The following NLRP2 variants were observed in gnomAD, a reference collection of about 807,000 sequenced individuals.
NLRP2 encodes the protein NLR family pyrin domain containing 2.
A neutral mutation model predicts 97.2 loss-of-function variants in NLRP2; 107 were observed. The observed-to-expected ratio is 1.10, with a 90% confidence interval of 0.94 to 1.29. The LOEUF (loss-of-function observed/expected upper bound fraction) is 1.29. NLRP2 is among the 50% of genes most tolerant of loss of function. The pLI, the probability that NLRP2 is intolerant of heterozygous loss-of-function variation, is 0.00. For missense variants in NLRP2, 1,495 were observed against 1,330.3 expected, an observed-to-expected ratio of 1.12 and a Z score of -1.93; for synonymous variants, 663 against 551.5, an observed-to-expected ratio of 1.20 and a Z score of -2.83.
intron 3 of NLRP2, chr19:54,976,810 C>CTTTTTTTTTTTTTTTTGTT: frequency 3.2e-6 from 1 of 312,924 alleles, no homozygotes; most frequent in East Asian, 1.2e-4. Context: ...CTTGTTCTCT[C>CTTTTTTTTTTTTTTTTGTT]TCTTTTTTTT....
rs1336046744 is a variant in NLRP2 at position 54,997,205 on chromosome 19, T to A, written c.2880-112T>A. ...CAGGCGTGAACCACCGTGCCCGGCC[T>A]GAGACTTCTGTTGGTCATGCAGATC... is the stretch of plus-strand genomic sequence containing the variant. On this transcript the variant is annotated intron_variant, in intron 11 of 12. Coordinates refer to ENST00000448584, the MANE Select transcript of NLRP2 (RefSeq NM_017852.5). 2.5e-5 allele frequency: 28 copies of A among 1,126,274 alleles called. 1 individual carries two copies. Among genetic ancestry groups the A allele is most frequent in the Middle Eastern group, 5.6e-4 (2 of 3,540 alleles). 69.8% of individuals were successfully genotyped at this position (1,126,274 alleles called of 1,614,324 possible).
In NLRP2 at chr19:54,997,339, C is replaced by T. The variant is rs763409377; in HGVS notation, c.2902C>T (p.Pro968Ser). 1 of 1,613,942 alleles carries T rather than the reference C, an allele frequency of 6.2e-7. No homozygotes were observed. Among genetic ancestry groups the T allele is most frequent in the African/African-American group, 1.3e-5 (1 of 75,044 alleles). ...CLWLWGCSIP[P>S]FSCEDLCSAL... Reference sequence around the variant, plus strand: ...CAGGTTGTGGGGATGTTCCATCCCTCCGTTCAGTTGTGAAGACCTCTGCTC... The same window carrying T: ...CAGGTTGTGGGGATGTTCCATCCCTTCGTTCAGTTGTGAAGACCTCTGCTC... The change falls in exon 12 of 13, where the codon CCG becomes TCG. Residue 968 changes from proline to serine, a missense_variant. Pro to Ser is a moderately conservative substitution (Grantham distance 74, BLOSUM62 -1). Transcript: ENST00000448584.
intron 4 of NLRP2, among the ~76,000 whole-genome samples, chr19:54,980,207 G>GTT (rs11288227): frequency 4.0e-4 from 60 of 148,300 alleles, no homozygotes; most frequent in African/African-American, 1.4e-3. Context: ...GTTTTGTTTT[G>GTT]TTTTTTTTTT....
At chr19:54,990,918 A>G (rs752669900) in intron 10 of NLRP2, 3 of 548,908 alleles carry the variant, frequency 5.5e-6, no homozygotes, top group Non-Finnish European at 6.5e-6. Context: ...TTTCCTCTTT[A>G]TGTATGTATG....
intron 2 of NLRP2, among the ~76,000 whole-genome samples, chr19:54,971,905 T>G (rs2070879761): frequency 6.6e-6 from 1 of 151,946 alleles, no homozygotes; most frequent in Admixed American, 6.6e-5. Context: ...CTCGGCTCAC[T>G]GCAACCTCCG....
Position 54,983,267 on chromosome 19 carries a change from G to A in NLRP2, c.1569G>A (p.Glu523=), listed in dbSNP as rs1456511637. 1 of 1,613,834 alleles carries A rather than the reference G, an allele frequency of 6.2e-7. No individual in the cohort carries two copies. Among genetic ancestry groups the A allele is most frequent in the Non-Finnish European group, 8.5e-7 (1 of 1,179,736 alleles). The change falls in exon 6 of 13, where the codon GAG becomes GAA. Residue 523 remains glutamate (E), a synonymous_variant. Transcript: ENST00000448584. The part of the protein sequence containing the change: ...LFYTLEKEEE[E]DRDGHTWDIG... Reference sequence around the variant, plus strand: ...ACACCCTGGAGAAGGAGGAGGAAGAGGATAGGGACGGCCACACCTGGGACA... The same window carrying A: ...ACACCCTGGAGAAGGAGGAGGAAGAAGATAGGGACGGCCACACCTGGGACA...
At chr19:55,000,636 C>A in intron 12 of NLRP2, 124 bp from the exon 13 acceptor site, 3 of 969,230 alleles carry the variant, frequency 3.1e-6, no homozygotes, top group Non-Finnish European at 4.8e-6. Flanking sequence ...CCTTTGCCAC[C>A]TAGAATAATC....
In NLRP2 at chr19:54,994,326, A is replaced by G; in HGVS notation, c.2766A>G (p.Gln922=). 1 of 1,614,154 alleles carries G rather than the reference A, an allele frequency of 6.2e-7. No homozygotes were observed. The highest frequency in any genetic ancestry group is 8.5e-7 in the Non-Finnish European group (1 of 1,180,028). The change falls in exon 11 of 13, where the codon CAA becomes CAG. Residue 922 remains glutamine, a synonymous_variant. Transcript: ENST00000448584. Reference sequence around the variant, plus strand: ...GCTGCGATCTCACAAAGCTTCTCCAAGAAAAATCAAGCCTGTTGTGTTTGG... The same window carrying G: ...GCTGCGATCTCACAAAGCTTCTCCAGGAAAAATCAAGCCTGTTGTGTTTGG... The part of the protein sequence containing the change: ...DGCCDLTKLL[Q]EKSSLLCLDL...
chr19:54,994,808 G>A (rs552435273), intron 11 of NLRP2, among the ~76,000 whole-genome samples: 14 of 151,420 alleles, frequency 9.2e-5, no homozygotes, highest in Admixed American at 3.3e-4. Context: ...ACAGGGTTTC[G>A]CCATGTTGAA....
chr19:54,994,365 T>C lies in NLRP2; in HGVS notation c.2805T>C (p.Asn935=). Residue 935 remains asparagine, a synonymous_variant, in exon 11 of 13, where the codon AAT becomes AAC. Coordinates refer to ENST00000448584, the MANE Select transcript of NLRP2 (RefSeq NM_017852.5). The stretch of plus-strand genomic sequence containing the variant: ...TGTTGTGTTTGGATCTGGGGCTGAA[T>C]CACATAGGAGTTAAGGGAATGAAGT... The part of the protein sequence containing the change: ...SSLLCLDLGL[N]HIGVKGMKFL... 6.2e-7 allele frequency: 1 copy of C among 1,614,088 alleles called. No individual in the cohort carries two copies. Among genetic ancestry groups the C allele is most frequent in the Non-Finnish European group, 8.5e-7 (1 of 1,180,034 alleles).
intron 1 of NLRP2, among the ~76,000 whole-genome samples, chr19:54,967,704 C>T (rs371152116): frequency 1.3e-5 from 2 of 151,802 alleles, no homozygotes; most frequent in East Asian, 3.9e-4. Context: ...GAGTCCTGGG[C>T]AGTGCTAAGG....
intron 10 of NLRP2, 51 bp from the exon 11 acceptor site, chr19:54,994,218 A>G: frequency 6.3e-7 from 1 of 1,594,386 alleles, no homozygotes; most frequent in Non-Finnish European, 8.6e-7. Context: ...GCATCACAGC[A>G]GTGAGAACTC....
chr19:54,985,899 G>C (rs1276226161), intron 7 of NLRP2, among the ~76,000 whole-genome samples: 1 of 151,988 alleles, frequency 6.6e-6, no homozygotes, highest in Non-Finnish European at 1.5e-5. Flanking sequence ...TCCGGATGCT[G>C]AGGGTAGGAG....
At chr19:54,974,728 C>A (rs191106712) in intron 3 of NLRP2, among the ~76,000 whole-genome samples, 184 bp downstream of exon 3, 1 of 152,266 alleles carries the variant, frequency 6.6e-6, no homozygotes, top group Admixed American at 6.5e-5. Flanking sequence ...GAAACACGAT[C>A]GCGTTTGTTG....
chr19:54,971,269 C>T (rs2070836659), intron 2 of NLRP2, among the ~76,000 whole-genome samples: 1 of 149,716 alleles, frequency 6.7e-6, no homozygotes, highest in Admixed American at 6.7e-5. Flanking sequence ...GTGAATAATG[C>T]TGCAATAAAC....
chr19:54,969,472 C>T (rs529565596), intron 1 of NLRP2, among the ~76,000 whole-genome samples: 325 of 123,792 alleles, frequency 2.6e-3, no homozygotes, highest in Middle Eastern at 0.013. Flanking sequence ...AGTGAGACTC[C>T]GTCTCAAAAA....
chr19:54,967,375 A>G (rs1312277621), intron 1 of NLRP2, among the ~76,000 whole-genome samples: 1 of 150,174 alleles, frequency 6.7e-6, no homozygotes, highest in African/African-American at 2.5e-5. Flanking sequence ...CTAGCTACTC[A>G]GGAGGCTGAG....
At chr19:54,994,494 C>A (rs2072696558) in intron 11 of NLRP2, 55 bp downstream of exon 11, 1 of 1,584,620 alleles carries the variant, frequency 6.3e-7, no homozygotes, top group Non-Finnish European at 8.7e-7. Context: ...GAATCTGTGG[C>A]TAGTGTAAAA....
At chr19:54,984,329 G>GTGTGTTGTTTTTTTTTTTT in intron 6 of NLRP2, among the ~76,000 whole-genome samples, 11 of 79,668 alleles carry the variant, frequency 1.4e-4, no homozygotes, top group Non-Finnish European at 2.3e-4. Context: ...TTTTTTTTGT[G>GTGTGTTGTTTTTTTTTTTT]TTTTTTTTTT....
Sources: allele counts gnomAD v4.1 joint callset (sites outside exome capture counted in the v4.1 genomes callset), GRCh38; gene constraint gnomAD v4.1.1; transcripts MANE v1.5; gene names NCBI Gene and HGNC (gene_info 2026-07-23, HGNC 2026-07-21).